The following TXNL4A variants were observed in gnomAD, a reference collection of about 807,000 sequenced individuals.
TXNL4A encodes thioredoxin like 4A, also known as thioredoxin-like protein 4A.
Under a neutral mutation model 14.6 loss-of-function variants are expected in TXNL4A, and 17 were observed. The ratio of observed to expected loss-of-function variants is 1.16; its 90% CI spans 0.80 to 1.74. The LOEUF is 1.74. Ranked by LOEUF, TXNL4A falls within the 40% of genes most tolerant of loss-of-function variation. The pLI is 0.00. For synonymous variants in TXNL4A, 83 were observed against 70.6 expected, an observed-to-expected ratio of 1.18 and a Z score of -0.88; for missense variants, 74 against 195.2, an observed-to-expected ratio of 0.38 and a Z score of 3.70.
At chr18:80,022,096 G>A (rs962331271) in intron 1 of TXNL4A, among the ~76,000 whole-genome samples, 3 of 152,044 alleles carry the variant, frequency 2.0e-5, no homozygotes, top group Non-Finnish European at 4.4e-5. Context: ...TATTTATTAG[G>A]GTTATTAGAG....
In TXNL4A at chr18:79,971,674, T is replaced by C. The variant is rs1243833518; in HGVS notation, c.*2011A>G. 1 of 152,250 alleles carries C rather than the reference T, an allele frequency of 6.6e-6. No individual in the cohort carries two copies. Among genetic ancestry groups the C allele is most frequent in the Non-Finnish European group, 1.5e-5 (1 of 68,060 alleles). The allele number at this position is 152,250 out of a possible 1,614,324, so 9.4% of individuals were successfully genotyped here. A position where few individuals can be genotyped will look rare whatever the true frequency, so the allele number is the denominator to read the frequency against. Reference sequence around the variant, plus strand: ...GACCTGCCTGCCTGTGTTACCACTTTGCCACCAGCAGTGTGTGAGGGCTCC... The same window carrying C: ...GACCTGCCTGCCTGTGTTACCACTTCGCCACCAGCAGTGTGTGAGGGCTCC... On this transcript the variant is annotated 3_prime_UTR_variant, in exon 3 of 3. Coordinates refer to ENST00000269601, the MANE Select transcript of TXNL4A (RefSeq NM_006701.5).
intron 1 of TXNL4A, among the ~76,000 whole-genome samples, chr18:80,000,756 C>T (rs1246001671): frequency 6.6e-6 from 1 of 152,092 alleles, no homozygotes; most frequent in Admixed American, 6.6e-5. Context: ...TGGGTTCAAG[C>T]AATTCTCCTG....
upstream of TXNL4A, among the ~76,000 whole-genome samples, chr18:79,990,187 G>A (rs2051616881): frequency 6.6e-6 from 1 of 152,188 alleles, no homozygotes; most frequent in South Asian, 2.1e-4. Context: ...AGAATCACAA[G>A]TGCAGCTCAC....
chr18:80,001,592 A>C (rs2051698716), intron 1 of TXNL4A, among the ~76,000 whole-genome samples: 1 of 152,214 alleles, frequency 6.6e-6, no homozygotes, highest in South Asian at 2.1e-4. Flanking sequence ...AAGGCCATGG[A>C]AACCCACCTT....
At chr18:80,006,212 T>C (rs972964110) in intron 1 of TXNL4A, among the ~76,000 whole-genome samples, 4 of 152,026 alleles carry the variant, frequency 2.6e-5, no homozygotes, top group South Asian at 2.1e-4. Flanking sequence ...GGTGAAACCT[T>C]GTCTCTACTA....
intron 1 of TXNL4A, among the ~76,000 whole-genome samples, chr18:80,017,290 C>A (rs1268318603): frequency 1.3e-5 from 2 of 152,158 alleles, no homozygotes; most frequent in African/African-American, 4.8e-5. Context: ...TCTAGATATA[C>A]AATCATGTCA....
At chr18:79,996,547 G>C (rs2051663871) in intron 1 of TXNL4A, among the ~76,000 whole-genome samples, 1 of 152,094 alleles carries the variant, frequency 6.6e-6, no homozygotes, top group African/African-American at 2.4e-5. Flanking sequence ...TCAATCTTTT[G>C]GGCTGTGATC....
At position 79,971,724 on chromosome 18, in the gene TXNL4A, C is replaced by T. The variant is rs2051304165; in HGVS notation, c.*1961G>A. 2.0e-5 allele frequency: 3 copies of T among 152,212 alleles called. No homozygotes were observed. The South Asian group carries it at 6.2e-4, about 32-fold the overall frequency. 9.4% of individuals were successfully genotyped at this position (152,212 alleles called of 1,614,324 possible). On this transcript the variant is annotated 3_prime_UTR_variant, in exon 3 of 3. Coordinates refer to ENST00000269601, the MANE Select transcript of TXNL4A (RefSeq NM_006701.5). ...CAATTTCTCCACATCCTTGCAAACG[C>T]TTGTTGCGATCTTTTTGTATCTAGC... is the stretch of plus-strand genomic sequence containing the variant.
Position 79,973,539 on chromosome 18 carries a change from C to G in TXNL4A, c.*146G>C. ...CCTCTCACCACGTGCTTGTTTATTT[C>G]GGTGAGTTAAGACCATGTTATCAAT... On this transcript the variant is annotated 3_prime_UTR_variant, in exon 3 of 3. Transcript: ENST00000269601. The G allele has an allele frequency of 1.0e-6, 1 of 992,164 alleles. No homozygotes were observed. The highest frequency in any genetic ancestry group is 1.4e-6 in the Non-Finnish European group (1 of 710,018). 61.5% of individuals were successfully genotyped at this position (992,164 alleles called of 1,614,324 possible).
upstream of TXNL4A, among the ~76,000 whole-genome samples, chr18:79,992,876 TAAAA>T (rs59567705): frequency 3.0e-3 from 233 of 78,618 alleles, 1 homozygote; most frequent in African/African-American, 9.7e-3. Flanking sequence ...TCATCTTATG[TAAAA>T]AAAAAAAAAA....
At position 79,988,446 on chromosome 18, in the gene TXNL4A, G is replaced by A. The variant is rs1000168287; in HGVS notation, c.-54C>T. 1.5e-6 allele frequency: 2 copies of A among 1,346,688 alleles called. No homozygotes were observed. Among genetic ancestry groups the A allele is most frequent in the South Asian group, 1.7e-5 (1 of 57,162 alleles). 83.4% of individuals were successfully genotyped at this position (1,346,688 alleles called of 1,614,324 possible). On this transcript the variant is annotated 5_prime_UTR_variant, in exon 1 of 3. Coordinates refer to ENST00000269601, the MANE Select transcript of TXNL4A (RefSeq NM_006701.5). ...GGCGGGGCGCCAGGGAGGGCCCAGC[G>A]AGGTGGGCTCAGCCGGCCCCTCACT...
At chr18:79,975,327 T>A (rs983529383) in intron 2 of TXNL4A, among the ~76,000 whole-genome samples, 5 of 152,200 alleles carry the variant, frequency 3.3e-5, no homozygotes, top group African/African-American at 1.2e-4. Context: ...GTTTGGTGCA[T>A]AAGTTAACTA....
intron 1 of TXNL4A, among the ~76,000 whole-genome samples, chr18:79,980,199 G>C (rs373821846): frequency 3.3e-5 from 5 of 152,196 alleles, no homozygotes; most frequent in African/African-American, 9.7e-5. Flanking sequence ...GCTGGGAGAA[G>C]CATGAGGACT....
At chr18:79,974,155 G>A (rs1283947299) in intron 2 of TXNL4A, among the ~76,000 whole-genome samples, 1 of 152,184 alleles carries the variant, frequency 6.6e-6, no homozygotes, top group African/African-American at 2.4e-5. Flanking sequence ...GCTCATGCCT[G>A]TAATCCCAAC....
intron 1 of TXNL4A, among the ~76,000 whole-genome samples, chr18:80,023,301 G>A (rs2051862128): frequency 6.6e-6 from 1 of 152,114 alleles, no homozygotes; most frequent in Non-Finnish European, 1.5e-5. Context: ...CATGTTGCCT[G>A]ATCACTGATA....
At chr18:80,021,920 T>TTTTTAATAATTGG (rs2145125796) in intron 1 of TXNL4A, among the ~76,000 whole-genome samples, 1 of 152,168 alleles carries the variant, frequency 6.6e-6, no homozygotes, top group South Asian at 2.1e-4. Flanking sequence ...TTAACATTGG[T>TTTTTAATAATTGG]TTTTAATAAG....
chr18:79,976,379 G>A (rs1376674607), intron 2 of TXNL4A, among the ~76,000 whole-genome samples: 1 of 152,206 alleles, frequency 6.6e-6, no homozygotes, highest in Non-Finnish European at 1.5e-5. Flanking sequence ...CAATGTGCCG[G>A]CATGCCAGTG....
intron 1 of TXNL4A, among the ~76,000 whole-genome samples, chr18:79,979,798 C>T (rs1037437169): frequency 4.6e-5 from 7 of 152,312 alleles, no homozygotes; most frequent in African/African-American, 1.4e-4. Context: ...AATTTGTATA[C>T]ATACTTCATT....
chr18:80,003,087 C>T (rs1238117485), intron 1 of TXNL4A, among the ~76,000 whole-genome samples: 1 of 152,264 alleles, frequency 6.6e-6, no homozygotes, highest in Non-Finnish European at 1.5e-5. Flanking sequence ...CCAGCTTCAG[C>T]CTGGCCAAGC....
Sources: gnomAD v4.1 joint callset for allele counts (sites outside exome capture counted in the v4.1 genomes callset) on GRCh38, gnomAD v4.1.1 for gene constraint, MANE v1.5 for transcripts, NCBI Gene and HGNC (gene_info 2026-07-23, HGNC 2026-07-21) for gene names.